GSK3B: variants seen among roughly 807,000 people sequenced by gnomAD.
The protein encoded by GSK3B is glycogen synthase kinase 3 beta.
A neutral mutation model predicts 56.4 loss-of-function variants in GSK3B; 15 were observed. The observed-to-expected ratio is 0.27, with a 90% CI of 0.18 to 0.41. The LOEUF is 0.41. Among genes scored for constraint, GSK3B ranks in the 10% least tolerant of loss-of-function variants. GSK3B has a pLI of 1.00. For synonymous variants in GSK3B, 181 were observed against 188.9 expected (o/e 0.96, Z 0.34); for missense variants, 300 against 513.4 (o/e 0.58, Z 4.02).
chr3:120,016,778 T>A (rs761125211), intron 1 of GSK3B, among the ~76,000 whole-genome samples: 1 of 152,142 alleles, frequency 6.6e-6, no homozygotes, highest in Non-Finnish European at 1.5e-5. Flanking sequence ...ATCAGAAACA[T>A]GCTAATTTTC....
intron 2 of GSK3B, among the ~76,000 whole-genome samples, chr3:119,975,014 C>T (rs151100078): frequency 1.5e-3 from 231 of 152,330 alleles, no homozygotes; most frequent in Middle Eastern, 3.4e-3. Flanking sequence ...CACATAAAAA[C>T]CTGCACATGA....
chr3:119,900,038 A>T (rs1479119064), intron 7 of GSK3B, among the ~76,000 whole-genome samples: 1 of 152,100 alleles, frequency 6.6e-6, no homozygotes, highest in Non-Finnish European at 1.5e-5. Context: ...AGCTATCTAC[A>T]TAGATATCTA....
Position 119,900,271 on chromosome 3 carries a change from G to A in GSK3B, c.813+5484C>T, listed in dbSNP as rs1428974985. ...TATACTGAAATTCTATTATCAAGAG[G>A]TGTAGCATTGACTAATTCTGTCCTA... On this transcript the variant is annotated intron_variant, in intron 7 of 10. Coordinates refer to ENST00000264235, the MANE Select transcript of GSK3B (RefSeq NM_001146156.2). Among the ~76,000 whole-genome samples the A allele has an allele frequency of 2.0e-5, 3 of 152,076 alleles. No homozygotes were observed. In the East Asian group the frequency reaches 5.8e-4, roughly 29 times the overall value.
chr3:120,057,378 T>C (rs2058199941), intron 1 of GSK3B, among the ~76,000 whole-genome samples: 1 of 152,136 alleles, frequency 6.6e-6, no homozygotes, highest in South Asian at 2.1e-4. Context: ...CTTTAAAGTA[T>C]ACATACTCTT....
rs1488344975 is a variant in GSK3B, at chr3:120,073,669, CTTA to C, written c.88+19675_88+19677del. On this transcript the variant is annotated intron_variant, in intron 1 of 10. Transcript: ENST00000264235. ...AATTCTTCCAATTTCGGGCAATTAT[CTTA>C]TTCCCTCTCCAAATTATAAAGGCCA... Among the ~76,000 whole-genome samples the C allele has an allele frequency of 5.9e-5, 9 of 152,296 alleles. No homozygotes were observed. In the East Asian group the frequency reaches 1.7e-3, roughly 29 times the overall value.
chr3:120,028,634 C>T (rs563462366), intron 1 of GSK3B: 14 of 319,714 alleles, frequency 4.4e-5, no homozygotes, highest in Middle Eastern at 1.1e-3. Flanking sequence ...ATAACTCCCC[C>T]AAATATGCTA....
chr3:120,035,627 C>CT (rs917631740), intron 1 of GSK3B, among the ~76,000 whole-genome samples: 3 of 151,952 alleles, frequency 2.0e-5, no homozygotes, highest in East Asian at 1.9e-4. Flanking sequence ...GATGTCCATC[C>CT]TTTTTTTTAG....
chr3:120,029,790 A>C (rs565030739), intron 1 of GSK3B: 3 of 554,196 alleles, frequency 5.4e-6, no homozygotes, highest in African/African-American at 3.8e-5. Flanking sequence ...ACTGTTTTGG[A>C]AGAACAGGGA....
intron 1 of GSK3B, among the ~76,000 whole-genome samples, chr3:120,043,577 A>C (rs2058080287): frequency 6.6e-6 from 1 of 152,144 alleles, no homozygotes; most frequent in Non-Finnish European, 1.5e-5. Flanking sequence ...AAATTGAGAG[A>C]TATGTTCCCA....
intron 3 of GSK3B, among the ~76,000 whole-genome samples, chr3:119,938,775 T>C (rs2057020209): frequency 6.6e-6 from 1 of 152,054 alleles, no homozygotes; most frequent in South Asian, 2.1e-4. Flanking sequence ...GTAATACCTA[T>C]AATAAATCTT....
rs2058536550 is a variant in GSK3B, at chr3:120,093,821, T to C, written c.-387A>G. The C allele has an allele frequency of 4.4e-6, 1 of 229,576 alleles. No individual in the cohort carries two copies. The highest frequency in any genetic ancestry group is 8.7e-6 in the Non-Finnish European group (1 of 115,558). 14.2% of individuals were successfully genotyped at this position (229,576 alleles called of 1,614,324 possible). A position where few individuals can be genotyped will look rare whatever the true frequency, so the allele number is the denominator to read the frequency against. On this transcript the variant is annotated 5_prime_UTR_variant, in exon 1 of 11. Coordinates refer to ENST00000264235, the MANE Select transcript of GSK3B (RefSeq NM_001146156.2). Reference sequence around the variant, plus strand: ...GAATATTATATTTTCCTCGGGGATTTTTTTTCCGAGTCAATGAAGAAGGGA... The same window carrying C: ...GAATATTATATTTTCCTCGGGGATTCTTTTTCCGAGTCAATGAAGAAGGGA...
At chr3:120,055,830 A>C (rs1576300015) in intron 1 of GSK3B, among the ~76,000 whole-genome samples, 2 of 152,312 alleles carry the variant, frequency 1.3e-5, no homozygotes, top group East Asian at 3.9e-4. Context: ...AGAAATTAGA[A>C]AATTTCCACT....
chr3:119,982,314 G>A (rs1307785444), intron 2 of GSK3B, among the ~76,000 whole-genome samples: 2 of 152,144 alleles, frequency 1.3e-5, no homozygotes, highest in Non-Finnish European at 2.9e-5. Context: ...ACCTCCAAAG[G>A]ATGGCAGCTC....
chr3:120,017,731 G>A (rs2057838772), intron 1 of GSK3B, among the ~76,000 whole-genome samples: 1 of 152,148 alleles, frequency 6.6e-6, no homozygotes, highest in Admixed American at 6.5e-5. Context: ...TATCAATTAC[G>A]ATTTAACAAC....
chr3:119,976,029 C>T (rs1346047498), intron 2 of GSK3B, among the ~76,000 whole-genome samples: 1 of 152,154 alleles, frequency 6.6e-6, no homozygotes, highest in Non-Finnish European at 1.5e-5. Context: ...CCACTTCACA[C>T]CCACGAGGAT....
At chr3:119,870,500 T>C (rs971765618) in intron 8 of GSK3B, among the ~76,000 whole-genome samples, 5 of 152,232 alleles carry the variant, frequency 3.3e-5, no homozygotes, top group African/African-American at 9.6e-5. Context: ...CTGAAAATTA[T>C]GTCTTACTTA....
chr3:119,970,478 A>C (rs1026524014), intron 2 of GSK3B, among the ~76,000 whole-genome samples: 1 of 152,114 alleles, frequency 6.6e-6, no homozygotes, highest in Admixed American at 6.5e-5. Flanking sequence ...AGAATAAAAA[A>C]CAAAAACGAT....
intron 3 of GSK3B, among the ~76,000 whole-genome samples, chr3:119,941,880 A>G (rs1464681685): frequency 2.6e-5 from 4 of 152,228 alleles, no homozygotes; most frequent in African/African-American, 9.7e-5. Context: ...GCAAACTCAA[A>G]TATTTCTAGC....
intron 2 of GSK3B, among the ~76,000 whole-genome samples, chr3:119,963,958 T>C (rs1475886570): frequency 6.6e-6 from 1 of 152,164 alleles, no homozygotes; most frequent in African/African-American, 2.4e-5. Context: ...ACTGTTCTTG[T>C]CAATAATTTC....
Sources: gnomAD v4.1 joint callset for allele counts (sites outside exome capture counted in the v4.1 genomes callset) on GRCh38, gnomAD v4.1.1 for gene constraint, MANE v1.5 for transcripts, NCBI Gene and HGNC (gene_info 2026-07-23, HGNC 2026-07-21) for gene names.